CTNNA3: variants seen among roughly 807,000 people sequenced by gnomAD.
CTNNA3 encodes the protein catenin alpha 3.
Under a neutral mutation model 95.7 loss-of-function variants are expected in CTNNA3, and 76 were observed. The ratio of observed to expected loss-of-function variants is 0.79; its 90% CI spans 0.66 to 0.96. The LOEUF is 0.96. Ranked by LOEUF, CTNNA3 falls within the 40% of genes least tolerant of loss-of-function variation. CTNNA3 has a pLI of 0.00. For synonymous variants in CTNNA3, 431 were observed against 374.4 expected, an observed-to-expected ratio of 1.15 and a Z score of -1.74; for missense variants, 1,191 against 1,089.8, an observed-to-expected ratio of 1.09 and a Z score of -1.31.
intron 14 of CTNNA3, among the ~76,000 whole-genome samples, chr10:66,081,960 T>C (rs896660234): frequency 7.2e-5 from 11 of 151,782 alleles, no homozygotes; most frequent in East Asian, 2.0e-4. Flanking sequence ...CTACTAAAAA[T>C]ACAAAAAATT....
At chr10:65,972,063 T>C (rs1031319246) in intron 16 of CTNNA3, among the ~76,000 whole-genome samples, 2 of 152,118 alleles carry the variant, frequency 1.3e-5, no homozygotes, top group South Asian at 2.1e-4. Flanking sequence ...AAAAATCATA[T>C]GATTATTTCA....
intron 3 of CTNNA3, among the ~76,000 whole-genome samples, chr10:67,577,684 G>GTA (rs1323418233): frequency 2.8e-5 from 4 of 142,716 alleles, no homozygotes; most frequent in Admixed American, 6.9e-5. Context: ...GTGTGTATGT[G>GTA]TATATATATA....
At chr10:66,483,439 A>G (rs1839613248) in intron 11 of CTNNA3, among the ~76,000 whole-genome samples, 1 of 152,140 alleles carries the variant, frequency 6.6e-6, no homozygotes, top group Non-Finnish European at 1.5e-5. Context: ...ATTACATAGA[A>G]TTGAGGGCAA....
intron 10 of CTNNA3, among the ~76,000 whole-genome samples, chr10:66,589,503 G>C (rs1843474588): frequency 6.6e-6 from 1 of 152,014 alleles, no homozygotes; most frequent in Non-Finnish European, 1.5e-5. Context: ...AACACCCATG[G>C]TTGTTCCTCT....
intron 7 of CTNNA3, among the ~76,000 whole-genome samples, chr10:66,880,642 C>T (rs1438188481): frequency 2.0e-5 from 3 of 152,094 alleles, no homozygotes; most frequent in African/African-American, 4.8e-5. Flanking sequence ...TAACACATCA[C>T]ATTTAGAGAA....
intron 15 of CTNNA3, among the ~76,000 whole-genome samples, chr10:66,001,109 C>T (rs1378801986): frequency 6.6e-6 from 1 of 152,084 alleles, no homozygotes; most frequent in Non-Finnish European, 1.5e-5. Flanking sequence ...CAGCCTAAAT[C>T]TCTGTCCCAG....
chr10:66,280,807 G>C (rs77439535), intron 12 of CTNNA3, among the ~76,000 whole-genome samples, 186 bp from the exon 13 acceptor site: 3,626 of 149,836 alleles, frequency 0.024, 115 homozygotes, highest in East Asian at 0.094. Context: ...AAAGTAAAAC[G>C]AATCAAAGAC....
intron 1 of CTNNA3, among the ~76,000 whole-genome samples, chr10:67,753,488 T>G (rs1335799720): frequency 6.6e-6 from 1 of 151,322 alleles, no homozygotes. Flanking sequence ...ATGAAAGAGC[T>G]TCTGCACAGC....
intron 7 of CTNNA3, among the ~76,000 whole-genome samples, chr10:67,047,039 A>G (rs1005038263): frequency 6.6e-6 from 1 of 152,212 alleles, no homozygotes; most frequent in African/African-American, 2.4e-5. Context: ...AGGGTCCAGG[A>G]GCACTGCCTG....
chr10:67,002,019 G>A (rs931647145), intron 7 of CTNNA3, among the ~76,000 whole-genome samples: 2 of 152,140 alleles, frequency 1.3e-5, no homozygotes, highest in African/African-American at 4.8e-5. Context: ...CCTAGGTTCC[G>A]AGGAGGTCAC....
chr10:67,126,700 A>G (rs7074592), intron 7 of CTNNA3, among the ~76,000 whole-genome samples: 98,362 of 152,210 alleles, frequency 0.65, 33,338 homozygotes, highest in African/African-American at 0.86. Flanking sequence ...AAGTGTGGTT[A>G]AGAGATAGGT....
At chr10:66,751,529 C>A (rs1839140489) in intron 9 of CTNNA3, among the ~76,000 whole-genome samples, 1 of 152,028 alleles carries the variant, frequency 6.6e-6, no homozygotes, top group Non-Finnish European at 1.5e-5. Flanking sequence ...ATTGGATTGT[C>A]CCAATAAATG....
At chr10:67,041,027 C>A (rs1169087997) in intron 7 of CTNNA3, among the ~76,000 whole-genome samples, 7 of 151,896 alleles carry the variant, frequency 4.6e-5, no homozygotes, top group Non-Finnish European at 1.0e-4. Flanking sequence ...GGAGAAAAAG[C>A]AGATCTTTTT....
intron 15 of CTNNA3, among the ~76,000 whole-genome samples, chr10:66,002,426 T>G (rs1289007426): frequency 6.6e-6 from 1 of 152,170 alleles, no homozygotes; most frequent in Non-Finnish European, 1.5e-5. Flanking sequence ...AAGGAATTGC[T>G]CCATGAAAGA....
chr10:65,966,893 T>C (rs1326660305), intron 16 of CTNNA3, 147 bp from the exon 17 acceptor site: 5 of 535,752 alleles, frequency 9.3e-6, no homozygotes, highest in Non-Finnish European at 1.6e-5. Context: ...GATATGCTTC[T>C]ACCATTTACA....
At chr10:67,736,119 A>C (rs551982856) in intron 1 of CTNNA3, among the ~76,000 whole-genome samples, 25 of 152,208 alleles carry the variant, frequency 1.6e-4, no homozygotes, top group Non-Finnish European at 2.6e-4. Context: ...CCAAAAAAAG[A>C]ATTAAATTCT....
Position 66,407,988 on chromosome 10 carries a change from G to A in CTNNA3, c.1532-28636C>T, listed in dbSNP as rs556696359. 6.6e-5 allele frequency among the ~76,000 whole-genome samples: 10 copies of A among 152,222 alleles called. No individual in the cohort carries two copies. The South Asian group carries it at 1.2e-3, about 19-fold the overall frequency. ...GCAGAGTTTGTTCTACAACCCCAAC[G>A]GATATCAAAATCCACAGATGCTGAA... On this transcript the variant is annotated intron_variant, in intron 11 of 17. Transcript: ENST00000433211.
intron 6 of CTNNA3, among the ~76,000 whole-genome samples, chr10:67,214,825 T>A (rs10997577): frequency 0.091 from 13,799 of 152,018 alleles, 985 homozygotes; most frequent in East Asian, 0.19. Flanking sequence ...TCATCATTCA[T>A]AGGTAACTCT....
intron 9 of CTNNA3, among the ~76,000 whole-genome samples, chr10:66,695,918 G>GGC (rs1554837122): frequency 1.4e-5 from 2 of 141,884 alleles, no homozygotes; most frequent in South Asian, 2.5e-4. Context: ...GAGACGTAAG[G>GGC]GGGGGGGGCA....
Sources: gnomAD v4.1 joint callset for allele counts (sites outside exome capture counted in the v4.1 genomes callset) on GRCh38, gnomAD v4.1.1 for gene constraint, MANE v1.5 for transcripts, NCBI Gene and HGNC (gene_info 2026-07-23, HGNC 2026-07-21) for gene names.